Variants in ABL1 observed in about 807,000 individuals in gnomAD.
ABL1 encodes the protein tyrosine-protein kinase ABL1.
In ABL1, 11 loss-of-function variants were observed where a neutral mutation model predicts 94.7. That is an observed-to-expected ratio of 0.12 (90% CI 0.07 to 0.19). The LOEUF (loss-of-function observed/expected upper bound fraction) is 0.19. Ranked by LOEUF, ABL1 falls within the 10% of genes least tolerant of loss-of-function variation. The pLI, the probability that ABL1 is intolerant of heterozygous loss-of-function variation, is 1.00. For missense variants in ABL1, 1,082 were observed against 1,489.4 expected (o/e 0.73, Z 4.50); for synonymous variants, 656 against 622.4 (o/e 1.05, Z -0.80).
chr9:130,843,602 C>T (rs1362555758), intron 1 of ABL1, among the ~76,000 whole-genome samples: 1 of 151,922 alleles, frequency 6.6e-6, no homozygotes, highest in Non-Finnish European at 1.5e-5. Flanking sequence ...GTGATAGAGA[C>T]AGACACCAGG....
chr9:130,781,356 G>A (rs1829753201), intron 1 of ABL1, among the ~76,000 whole-genome samples: 1 of 152,126 alleles, frequency 6.6e-6, no homozygotes, highest in Admixed American at 6.5e-5. Flanking sequence ...TGCCCGTGTG[G>A]GTGCCCCATC....
intron 1 of ABL1, among the ~76,000 whole-genome samples, chr9:130,809,481 T>A (rs1274496597): frequency 6.6e-6 from 1 of 150,766 alleles, no homozygotes; most frequent in Non-Finnish European, 1.5e-5. Context: ...AATTGCCACG[T>A]GATTATGGAG....
At chr9:130,792,703 G>T (rs752130904) in intron 1 of ABL1, among the ~76,000 whole-genome samples, 1 of 152,136 alleles carries the variant, frequency 6.6e-6, no homozygotes, top group African/African-American at 2.4e-5. Flanking sequence ...AAATTTGATC[G>T]TATGACATCT....
intron 1 of ABL1, among the ~76,000 whole-genome samples, chr9:130,765,689 G>A (rs998415346): frequency 2.0e-5 from 3 of 152,178 alleles, no homozygotes; most frequent in African/African-American, 7.2e-5. Flanking sequence ...TGGTAACGTA[G>A]AGGCACAATT....
At chr9:130,859,583 C>T (rs891233622) in intron 3 of ABL1, among the ~76,000 whole-genome samples, 9 of 151,278 alleles carry the variant, frequency 5.9e-5, no homozygotes, top group Non-Finnish European at 8.8e-5. Flanking sequence ...GTGGGACTCC[C>T]GGGCCCAAAG....
intron 1 of ABL1, among the ~76,000 whole-genome samples, chr9:130,714,953 T>C (rs1287519246): frequency 1.3e-5 from 2 of 152,226 alleles, no homozygotes; most frequent in African/African-American, 4.8e-5. Context: ...CCTTCGTAAG[T>C]AGGACTTGAA....
intron 1 of ABL1, among the ~76,000 whole-genome samples, chr9:130,769,419 C>T (rs1302187066): frequency 6.7e-6 from 1 of 149,558 alleles, no homozygotes; most frequent in Non-Finnish European, 1.5e-5. Flanking sequence ...ACAGCCTCCA[C>T]CTCCCGGGTT....
chr9:130,823,041 C>T (rs1233692681), intron 1 of ABL1, among the ~76,000 whole-genome samples: 4 of 152,138 alleles, frequency 2.6e-5, no homozygotes, highest in African/African-American at 9.7e-5. Flanking sequence ...CGTGATCCTC[C>T]CACCTCGGCC....
chr9:130,822,565 G>C (rs1339028133), intron 1 of ABL1, among the ~76,000 whole-genome samples: 1 of 151,364 alleles, frequency 6.6e-6, no homozygotes, highest in Non-Finnish European at 1.5e-5. Context: ...CAGTGTACCA[G>C]GGGTTGTCTG....
At chr9:130,715,608 G>C (rs887210737) in intron 1 of ABL1, among the ~76,000 whole-genome samples, 9 of 152,184 alleles carry the variant, frequency 5.9e-5, no homozygotes, top group Non-Finnish European at 1.5e-5. Flanking sequence ...GTGTTGTTAT[G>C]ATGGTTCCCA....
At chr9:130,771,469 T>G (rs1251943205) in intron 1 of ABL1, among the ~76,000 whole-genome samples, 5 of 152,222 alleles carry the variant, frequency 3.3e-5, no homozygotes, top group African/African-American at 1.2e-4. Context: ...TTGTTCTTTC[T>G]TAGGCATTAT....
At position 130,872,350 on chromosome 9, in the gene ABL1, G is replaced by A. The variant is rs1831266406; in HGVS notation, c.907+137G>A. On this transcript the variant is annotated intron_variant, in intron 5 of 10. Transcript: ENST00000318560. This position sits in a 1 kb window ranked among gnomAD's most constrained non-coding sequence, Gnocchi z 5.0. Reference sequence around the variant, plus strand: ...TTGTGCTCTGCCGACGTTCAGCCGCGGGTAAAATGAGGCCTGTATGGGATG... The same window carrying A: ...TTGTGCTCTGCCGACGTTCAGCCGCAGGTAAAATGAGGCCTGTATGGGATG... 6.7e-6 allele frequency: 5 copies of A among 743,812 alleles called. No homozygotes were observed. Among genetic ancestry groups the A allele is most frequent in the African/African-American group, 3.5e-5 (2 of 57,064 alleles). The allele number at this position is 743,812 out of a possible 1,614,324, so 46.1% of individuals were successfully genotyped here.
chr9:130,858,867 T>C (rs1564314029), intron 3 of ABL1, among the ~76,000 whole-genome samples: 1 of 152,188 alleles, frequency 6.6e-6, no homozygotes, highest in Non-Finnish European at 1.5e-5. Context: ...CTCTTGGCTC[T>C]TATTTGTGTC....
chr9:130,739,065 A>AT (rs1040238822), intron 1 of ABL1, among the ~76,000 whole-genome samples: 4 of 151,766 alleles, frequency 2.6e-5, no homozygotes, highest in South Asian at 2.1e-4. Context: ...TAATTTTTGT[A>AT]TTTTTTTTAG....
At chr9:130,714,518 G>A in intron 1 of ABL1, 1 of 1,604,236 alleles carries the variant, frequency 6.2e-7, no homozygotes, top group Non-Finnish European at 8.5e-7. Flanking sequence ...GGCCTTCAAG[G>A]AACTTTGAAC....
At chr9:130,750,654 T>TCTTTTTCTTTTC (rs1831952673) in intron 1 of ABL1, among the ~76,000 whole-genome samples, 9 of 130,742 alleles carry the variant, frequency 6.9e-5, no homozygotes, top group African/African-American at 2.6e-4. Flanking sequence ...CTTTTTTTTT[T>TCTTTTTCTTTTC]TTTTTTTTTT....
At chr9:130,723,222 C>T (rs1831538127) in intron 1 of ABL1, among the ~76,000 whole-genome samples, 1 of 152,040 alleles carries the variant, frequency 6.6e-6, no homozygotes, top group African/African-American at 2.4e-5. Context: ...GTAGTTGTGC[C>T]CCTGATGTCA....
At chr9:130,878,589 C>T (rs2133017747) in intron 8 of ABL1, 22 bp downstream of exon 8, 1 of 1,612,400 alleles carries the variant, frequency 6.2e-7, no homozygotes, top group Non-Finnish European at 8.5e-7. Context: ...TCAGCCTGTT[C>T]TCACGAGTAT....
intron 1 of ABL1, among the ~76,000 whole-genome samples, chr9:130,842,229 A>ATC (rs769719601): frequency 1.3e-5 from 2 of 152,288 alleles, no homozygotes; most frequent in South Asian, 4.1e-4. Flanking sequence ...GTAACTTCAC[A>ATC]TCTCTCTGTT....
Sources: gnomAD v4.1 joint callset for allele counts (sites outside exome capture counted in the v4.1 genomes callset) on GRCh38, gnomAD v4.1.1 for gene constraint, Gnocchi (gnomAD v3.1) non-coding constraint, MANE v1.5 for transcripts, NCBI Gene and HGNC (gene_info 2026-07-23, HGNC 2026-07-21) for gene names.